MTDH: variants seen among roughly 807,000 people sequenced by gnomAD.
MTDH encodes protein LYRIC.
MTDH carries 34 observed loss-of-function variants against 72.7 expected under a neutral mutation model. The ratio of observed to expected loss-of-function variants is 0.47; its 90% confidence interval spans 0.36 to 0.62. The LOEUF (loss-of-function observed/expected upper bound fraction) is 0.62. Ranked by LOEUF, MTDH falls within the 20% of genes least tolerant of loss-of-function variation. The pLI, the probability that MTDH is intolerant of heterozygous loss-of-function variation, is 0.00. For synonymous variants in MTDH, 266 were observed against 268.9 expected, an observed-to-expected ratio of 0.99 and a Z score of 0.10; for missense variants, 677 against 699.4, an observed-to-expected ratio of 0.97 and a Z score of 0.36.
At chr8:97,652,223 G>A (rs543048490) in intron 1 of MTDH, among the ~76,000 whole-genome samples, 2 of 152,204 alleles carry the variant, frequency 1.3e-5, no homozygotes, top group African/African-American at 4.8e-5. Context: ...TCCATGGCCC[G>A]TATGGCCCAG....
rs71271143 is a variant in MTDH, at chr8:97,682,230, TTATATATATATATATATATATATATA to T, written c.484-4412_484-4387del. Among the ~76,000 whole-genome samples the T allele has an allele frequency of 4.2e-3, 142 of 33,746 alleles. 2 individuals are homozygous for T. The highest frequency in any genetic ancestry group is 0.01 in the East Asian group (21 of 2,020). The allele number at this position is 33,746 out of a possible 152,430, so 22.1% of individuals were successfully genotyped here. On this transcript the variant is annotated intron_variant, in intron 2 of 11. Coordinates refer to ENST00000336273, the MANE Select transcript of MTDH (RefSeq NM_178812.4). ...GGGATGGGTGTTCTTGTTAATTACT[TTATATATATATATATATATATATATA>T]TATATATATATATATATATATATAT...
chr8:97,673,839 G>A (rs566054461), intron 2 of MTDH, among the ~76,000 whole-genome samples: 1 of 151,846 alleles, frequency 6.6e-6, no homozygotes, highest in Non-Finnish European at 1.5e-5. Flanking sequence ...GCCAGGCATG[G>A]TGGTGCATGC....
At chr8:97,648,940 G>A (rs1811663928) in intron 1 of MTDH, among the ~76,000 whole-genome samples, 1 of 152,198 alleles carries the variant, frequency 6.6e-6, no homozygotes, top group Admixed American at 6.5e-5. Context: ...TAAGTGGAAA[G>A]TGGCTGTTTG....
Position 97,687,520 on chromosome 8 carries a change from T to C in MTDH, c.660T>C (p.Thr220=). 2 of 1,613,742 alleles carry C rather than the reference T, an allele frequency of 1.2e-6. No homozygotes were observed. Among genetic ancestry groups the C allele is most frequent in the East Asian group, 4.5e-5 (2 of 44,844 alleles). The change falls in exon 4 of 12, where the codon ACT becomes ACC. Residue 220 remains threonine (T), a synonymous_variant. Coordinates refer to ENST00000336273, the MANE Select transcript of MTDH (RefSeq NM_178812.4). ...CTGATTCTGGTTCATTGGATTCAACTATCCCTGGGATAGAAAATACCATCA... is the reference window on the plus strand; with the variant it reads ...CTGATTCTGGTTCATTGGATTCAACCATCCCTGGGATAGAAAATACCATCA... ...VLTDSGSLDS[T]IPGIENTITV...
chr8:97,670,837 A>G (rs1376915473), intron 2 of MTDH, among the ~76,000 whole-genome samples: 4 of 145,274 alleles, frequency 2.8e-5, no homozygotes, highest in African/African-American at 7.7e-5. Context: ...GGTCACTGCA[A>G]CCTCCGCCAC....
At chr8:97,682,289 T>C in intron 2 of MTDH, among the ~76,000 whole-genome samples, 1 of 29,608 alleles carries the variant, frequency 3.4e-5, no homozygotes, top group South Asian at 1.5e-3. Flanking sequence ...TATTTTTTTT[T>C]TTTTTTTTTT....
At chr8:97,659,150 A>G (rs546708315) in intron 1 of MTDH, among the ~76,000 whole-genome samples, 109 of 152,254 alleles carry the variant, frequency 7.2e-4, no homozygotes, top group Non-Finnish European at 1.4e-3. Flanking sequence ...CTCAAAAAAA[A>G]AAAAAATGAT....
At chr8:97,652,427 T>C (rs1811808538) in intron 1 of MTDH, among the ~76,000 whole-genome samples, 1 of 152,236 alleles carries the variant, frequency 6.6e-6, no homozygotes, top group Non-Finnish European at 1.5e-5. Flanking sequence ...CCTTTCCTGA[T>C]CACCCTATGT....
intron 2 of MTDH, among the ~76,000 whole-genome samples, chr8:97,679,447 T>TG (rs1389545919): frequency 7.9e-5 from 12 of 152,206 alleles, no homozygotes; most frequent in African/African-American, 2.9e-4. Context: ...TAAAATTTAC[T>TG]GGCTGAATTT....
chr8:97,683,118 G>A, intron 2 of MTDH, among the ~76,000 whole-genome samples: 1 of 128,540 alleles, frequency 7.8e-6, no homozygotes, highest in South Asian at 2.5e-4. Context: ...AGGCTGGAGT[G>A]CAGTGGAGCG....
At chr8:97,646,135 T>C (rs184939245) in intron 1 of MTDH, among the ~76,000 whole-genome samples, 68 of 152,262 alleles carry the variant, frequency 4.5e-4, no homozygotes, top group African/African-American at 1.5e-3. Flanking sequence ...AGGAAAGTTG[T>C]TGGAGGAAAT....
At chr8:97,692,378 C>CT (rs34861225) in intron 6 of MTDH, among the ~76,000 whole-genome samples, 6,236 of 147,914 alleles carry the variant, frequency 0.042, 408 homozygotes, top group African/African-American at 0.14. Flanking sequence ...AGTAATTTTC[C>CT]TTTTTTTTTT....
At chr8:97,667,244 C>T (rs1254779101) in intron 2 of MTDH, among the ~76,000 whole-genome samples, 4 of 152,202 alleles carry the variant, frequency 2.6e-5, no homozygotes, top group African/African-American at 9.6e-5. Flanking sequence ...CCTTGGCCTC[C>T]CAGAGTGCTG....
chr8:97,721,818 T>C (rs921891007), intron 10 of MTDH, among the ~76,000 whole-genome samples: 1 of 152,228 alleles, frequency 6.6e-6, no homozygotes, highest in Non-Finnish European at 1.5e-5. Flanking sequence ...GAATCTAGGC[T>C]CTGCCTTAAG....
At chr8:97,663,912 C>T (rs967186609) in intron 2 of MTDH, among the ~76,000 whole-genome samples, 21 of 152,130 alleles carry the variant, frequency 1.4e-4, no homozygotes, top group African/African-American at 4.6e-4. Context: ...ATAGTCAGTT[C>T]TAACCCAAAT....
chr8:97,667,535 T>G (rs569579554), intron 2 of MTDH, among the ~76,000 whole-genome samples: 1 of 152,296 alleles, frequency 6.6e-6, no homozygotes, highest in East Asian at 1.9e-4. Flanking sequence ...CATATTACTC[T>G]TTTTTTGCTT....
At chr8:97,696,846 G>T (rs1586258471) in intron 6 of MTDH, among the ~76,000 whole-genome samples, 1 of 151,756 alleles carries the variant, frequency 6.6e-6, no homozygotes, top group African/African-American at 2.4e-5. Context: ...GGCCAGGTGT[G>T]GTGGCTCACA....
intron 9 of MTDH, among the ~76,000 whole-genome samples, chr8:97,715,821 A>T (rs1232838206): frequency 1.3e-5 from 2 of 152,212 alleles, no homozygotes; most frequent in Non-Finnish European, 2.9e-5. Flanking sequence ...ATTTTGTAGG[A>T]TAGATGTATT....
chr8:97,713,747 G>A lies in MTDH; in HGVS notation c.1358G>A (p.Gly453Asp), dbSNP rs760630578. 7 of 1,598,994 alleles carry A rather than the reference G, an allele frequency of 4.4e-6. No homozygotes were observed. Among genetic ancestry groups the A allele is most frequent in the Non-Finnish European group, 6.0e-6 (7 of 1,172,668 alleles). Residue 453 changes from glycine (G) to aspartate (D), a missense_variant, in exon 9 of 12, where the codon GGT becomes GAT. By Grantham distance (94) the Gly-to-Asp change is moderately conservative (BLOSUM62 -1). This residue lies in a region of MTDH where 201 missense variants were observed against 204.5 expected (regional missense o/e 0.98). Transcript: ENST00000336273. ...KKKKKKKKKQ[G>D]EDNSTAQDTE... Reference sequence around the variant, plus strand: ...AAAAAAAAGAAAAAGAAGAAGCAAGGTGAAGATAACTCTACTGCACAGGTA... The same window carrying A: ...AAAAAAAAGAAAAAGAAGAAGCAAGATGAAGATAACTCTACTGCACAGGTA...
Sources: gnomAD v4.1 joint callset for allele counts (sites outside exome capture counted in the v4.1 genomes callset) on GRCh38, gnomAD v4.1.1 for gene constraint, gnomAD v4.1.1 regional missense constraint, MANE v1.5 for transcripts, NCBI Gene and HGNC (gene_info 2026-07-23, HGNC 2026-07-21) for gene names.